The following PLB1 variants were observed in gnomAD, a reference collection of about 807,000 sequenced individuals.
PLB1 encodes the protein phospholipase B1.
Under a neutral mutation model 227.4 loss-of-function variants are expected in PLB1, and 242 were observed. That is an observed-to-expected ratio of 1.06 (90% CI 0.96 to 1.18). The LOEUF (loss-of-function observed/expected upper bound fraction) is 1.18. Among genes scored for constraint, PLB1 ranks in the 50% most tolerant of loss-of-function variants. PLB1 has a pLI of 0.00. For missense variants in PLB1, 1,858 were observed against 1,816.3 expected, an observed-to-expected ratio of 1.02 and a Z score of -0.42; for synonymous variants, 757 against 682.2, an observed-to-expected ratio of 1.11 and a Z score of -1.71.
intron 29 of PLB1, 141 bp downstream of exon 29, chr2:28,590,217 C>CCATCTGGT: frequency 1.3e-6 from 1 of 746,356 alleles, no homozygotes; most frequent in Non-Finnish European, 2.3e-6. Context: ...CCCAAATGCC[C>CCATCTGGT]CATCTGGTTG....
At chr2:28,616,590 A>G (rs1201497635) in intron 44 of PLB1, among the ~76,000 whole-genome samples, 1 of 152,190 alleles carries the variant, frequency 6.6e-6, no homozygotes, top group Non-Finnish European at 1.5e-5. Flanking sequence ...GTTAATCTAC[A>G]TGGAATATGC....
In PLB1 at chr2:28,591,120, C is replaced by T; in HGVS notation, c.2089-13C>T. ...AGAATTTGCTGCCATTGCTCACCCC[C>T]CTCTCCTCACAGGTCCAGCCGTTTC... On this transcript the variant is annotated splice_polypyrimidine_tract_variant and intron_variant, in intron 29 of 57. Transcript: ENST00000327757. 1 of 1,614,170 alleles carries T rather than the reference C, an allele frequency of 6.2e-7. No homozygotes were observed. Among genetic ancestry groups the T allele is most frequent in the Admixed American group, 1.7e-5 (1 of 60,024 alleles).
At chr2:28,582,540 A>G (rs376694214) in intron 25 of PLB1, 35 bp downstream of exon 25, 19 of 1,517,220 alleles carry the variant, frequency 1.3e-5, no homozygotes, top group African/African-American at 5.5e-5. Context: ...TCTACTAAGA[A>G]TCCTCACTGC....
chr2:28,527,705 C>T (rs939102334), intron 6 of PLB1, among the ~76,000 whole-genome samples: 15 of 152,254 alleles, frequency 9.9e-5, no homozygotes, highest in African/African-American at 1.4e-4. Context: ...TCTCACCCCA[C>T]TGCTGCCAGG....
intron 2 of PLB1, among the ~76,000 whole-genome samples, chr2:28,517,361 G>T (rs1264821473): frequency 3.2e-5 from 4 of 125,756 alleles, no homozygotes; most frequent in South Asian, 5.3e-4. Flanking sequence ...CTCAATTTTT[G>T]GGGGAAAAGA....
rs1684578780 is a variant in PLB1 at position 28,605,726 on chromosome 2, G to T, written c.2962-127G>T. On this transcript the variant is annotated intron_variant, in intron 41 of 57. Transcript: ENST00000327757. ...TCTGTTAAGGTGAATGGGCCCTGTG[G>T]TGGCTGGTGACCTGGAGCACTCCAG... is the stretch of plus-strand genomic sequence containing the variant. The T allele has an allele frequency of 4.3e-6, 3 of 702,424 alleles. No homozygotes were observed. In the South Asian group the frequency reaches 5.2e-5, roughly 12 times the overall value. 43.5% of individuals were successfully genotyped at this position (702,424 alleles called of 1,614,324 possible).
At chr2:28,642,569 C>T (rs1193169573) in intron 57 of PLB1, among the ~76,000 whole-genome samples, 2 of 152,194 alleles carry the variant, frequency 1.3e-5, no homozygotes, top group Non-Finnish European at 2.9e-5. Context: ...GGGCTCTCTG[C>T]CATTGGTCAC....
rs1340491103 is a variant in PLB1, at chr2:28,538,301, A to G, written c.556-18A>G. On this transcript the variant is annotated intron_variant, in intron 9 of 57. Coordinates refer to ENST00000327757, the MANE Select transcript of PLB1 (RefSeq NM_153021.5). ...CCTCCTGCAGGCACCCTCACTTAGC[A>G]CGGTTCTCCTCTCACAGAATGGGCT... The G allele has an allele frequency of 6.2e-7, 1 of 1,613,922 alleles. No individual in the cohort carries two copies. Among genetic ancestry groups the G allele is most frequent in the Non-Finnish European group, 8.5e-7 (1 of 1,180,006 alleles).
At chr2:28,598,420 T>C (rs77067017) in intron 34 of PLB1, among the ~76,000 whole-genome samples, 7,491 of 152,188 alleles carry the variant, frequency 0.049, 600 homozygotes, top group African/African-American at 0.17. Context: ...TTAATACAAT[T>C]TAATACAAGA....
chr2:28,594,144 G>T (rs1682504127), intron 33 of PLB1: 1 of 495,546 alleles, frequency 2.0e-6, no homozygotes, highest in African/African-American at 2.0e-5. Flanking sequence ...ATGTTGTCTT[G>T]TAGTCACACA....
chr2:28,596,338 GTTTA>G (rs1682911394), intron 33 of PLB1, among the ~76,000 whole-genome samples: 1 of 152,162 alleles, frequency 6.6e-6, no homozygotes, highest in Admixed American at 6.5e-5. Flanking sequence ...GCGCTTTTGT[GTTTA>G]TTTGTCATAA....
intron 1 of PLB1, among the ~76,000 whole-genome samples, chr2:28,501,928 A>G (rs1441018533): frequency 6.6e-6 from 1 of 152,132 alleles, no homozygotes; most frequent in Non-Finnish European, 1.5e-5. Context: ...GAACAGTCAC[A>G]TGCATGTATC....
chr2:28,622,860 C>T (rs111239902), intron 49 of PLB1, among the ~76,000 whole-genome samples: 3,673 of 151,904 alleles, frequency 0.024, 154 homozygotes, highest in African/African-American at 0.084. Flanking sequence ...CACTCCAGCC[C>T]GGATAACAAG....
intron 8 of PLB1, among the ~76,000 whole-genome samples, chr2:28,530,617 A>G (rs971566107): frequency 5.3e-5 from 8 of 152,240 alleles, no homozygotes; most frequent in Non-Finnish European, 7.3e-5. Flanking sequence ...GATAACCTAT[A>G]TAAATTTGTA....
At chr2:28,589,397 C>A in intron 26 of PLB1, 53 bp from the exon 27 acceptor site, 1 of 1,344,364 alleles carries the variant, frequency 7.4e-7, no homozygotes, top group Non-Finnish European at 1.1e-6. Context: ...CAATCAAGGA[C>A]CGAGCAGATG....
intron 49 of PLB1, among the ~76,000 whole-genome samples, chr2:28,622,580 C>G (rs1210895611): frequency 6.6e-6 from 1 of 152,120 alleles, no homozygotes; most frequent in Non-Finnish European, 1.5e-5. Context: ...AGAGTGAACC[C>G]TAAGGTGGTT....
intron 20 of PLB1, among the ~76,000 whole-genome samples, chr2:28,571,606 A>G (rs1678025632): frequency 6.6e-6 from 1 of 152,244 alleles, no homozygotes; most frequent in Admixed American, 6.5e-5. Flanking sequence ...CATATCGAAC[A>G]GTGGACTAAG....
At chr2:28,620,786 AC>A in intron 48 of PLB1, 92 bp from the exon 49 acceptor site, 1 of 1,420,722 alleles carries the variant, frequency 7.0e-7, no homozygotes, top group Non-Finnish European at 1.0e-6. Flanking sequence ...CCTGTGTCCC[AC>A]CCATGTCCCC....
chr2:28,500,638 T>TTC (rs1666981334), intron 1 of PLB1, among the ~76,000 whole-genome samples: 1 of 152,134 alleles, frequency 6.6e-6, no homozygotes, highest in Non-Finnish European at 1.5e-5. Flanking sequence ...CCCTCCTTTT[T>TTC]GTCTTATCTT....
Sources: allele counts gnomAD v4.1 joint callset (sites outside exome capture counted in the v4.1 genomes callset), GRCh38; gene constraint gnomAD v4.1.1; transcripts MANE v1.5; gene names NCBI Gene and HGNC (gene_info 2026-07-23, HGNC 2026-07-21).